Variants in TMEM132D observed in about 807,000 individuals in gnomAD.
The protein encoded by TMEM132D is mature OL transmembrane protein.
TMEM132D carries 21 observed loss-of-function variants against 62.3 expected under a neutral mutation model. The observed-to-expected ratio is 0.34, with a 90% confidence interval of 0.24 to 0.49. The LOEUF (loss-of-function observed/expected upper bound fraction) is 0.49. TMEM132D is among the 20% of genes least tolerant of loss of function. The probability of loss-of-function intolerance (pLI) is 0.99; values close to 1 mark genes in which losing one functional copy is unlikely to be tolerated. For synonymous variants in TMEM132D, 621 were observed against 575.6 expected, an observed-to-expected ratio of 1.08 and a Z score of -1.13; for missense variants, 1,346 against 1,402.8, an observed-to-expected ratio of 0.96 and a Z score of 0.65.
intron 4 of TMEM132D, among the ~76,000 whole-genome samples, chr12:129,310,268 G>A (rs1311467189): frequency 2.6e-5 from 4 of 152,282 alleles, no homozygotes; most frequent in Non-Finnish European, 4.4e-5. Flanking sequence ...CCAGGGAACC[G>A]GTCAGGGCCT....
In TMEM132D at chr12:129,880,278, C is replaced by A. The variant is rs146598171; in HGVS notation, c.79+22983G>T. ...TATACCCAGTAAAAACAGCTCTCAA[C>A]AATGAGGGTAAAATAAAAATATTTT... On this transcript the variant is annotated intron_variant, in intron 1 of 8. Coordinates refer to ENST00000422113, the MANE Select transcript of TMEM132D (RefSeq NM_133448.3). 7.9e-3 allele frequency among the ~76,000 whole-genome samples: 1,205 copies of A among 152,110 alleles called. 19 individuals are homozygous for A. The highest frequency in any genetic ancestry group is 0.027 in the African/African-American group (1,141 of 41,502).
chr12:129,454,837 G>A (rs902731626), intron 3 of TMEM132D, among the ~76,000 whole-genome samples: 1 of 152,090 alleles, frequency 6.6e-6, no homozygotes, highest in African/African-American at 2.4e-5. Context: ...AATCCAAGAT[G>A]GCAGGCAGTC....
Position 129,338,621 on chromosome 12 carries a change from G to A in TMEM132D, c.1116-804C>T, listed in dbSNP as rs938450231. Among the ~76,000 whole-genome samples, 5 of 152,184 alleles carry A rather than the reference G, an allele frequency of 3.3e-5. No individual in the cohort carries two copies. The South Asian group carries it at 6.2e-4, about 19-fold the overall frequency. ...TCTGCCTGAAAAGGAAGTGACCAGG[G>A]TGTAGCTGAGAATGAACAGAGGAAT... On this transcript the variant is annotated intron_variant, in intron 3 of 8. Coordinates refer to ENST00000422113, the MANE Select transcript of TMEM132D (RefSeq NM_133448.3).
intron 5 of TMEM132D, among the ~76,000 whole-genome samples, chr12:129,183,008 G>A (rs1015558402): frequency 1.1e-4 from 16 of 152,192 alleles, no homozygotes; most frequent in Admixed American, 7.2e-4. Context: ...CTCTCTCTTT[G>A]GGGCTAAATG....
At chr12:129,886,990 GT>G (rs1383930347) in intron 1 of TMEM132D, among the ~76,000 whole-genome samples, 1 of 152,166 alleles carries the variant, frequency 6.6e-6, no homozygotes, top group Non-Finnish European at 1.5e-5. Flanking sequence ...TGAACTGTGA[GT>G]CAATTAAACC....
intron 1 of TMEM132D, among the ~76,000 whole-genome samples, chr12:129,722,320 G>A (rs1026138034): frequency 2.3e-5 from 3 of 130,464 alleles, no homozygotes; most frequent in Admixed American, 1.6e-4. Context: ...GGTACAAGTC[G>A]AAATGCCGAC....
At chr12:129,317,977 C>A (rs778097302) in intron 4 of TMEM132D, among the ~76,000 whole-genome samples, 153 of 152,220 alleles carry the variant, frequency 1.0e-3, no homozygotes, top group Non-Finnish European at 1.3e-3. Flanking sequence ...AAAATATGTC[C>A]AAATTTCCTG....
intron 3 of TMEM132D, among the ~76,000 whole-genome samples, chr12:129,481,116 C>T (rs1193081162): frequency 1.3e-5 from 2 of 151,854 alleles, no homozygotes; most frequent in Non-Finnish European, 2.9e-5. Flanking sequence ...CCTCTCAAGT[C>T]CAGAATTCTA....
At position 129,779,273 on chromosome 12, in the gene TMEM132D, A is replaced by T. The variant is rs75105958; in HGVS notation, c.80-78575T>A. On this transcript the variant is annotated intron_variant, in intron 1 of 8. Coordinates refer to ENST00000422113, the MANE Select transcript of TMEM132D (RefSeq NM_133448.3). This position sits in a 1 kb window ranked among gnomAD's most constrained non-coding sequence, Gnocchi z 4.1. ...TACCAGGAAATGAAGCTTTTATTCC[A>T]GCTGGCCATGTGCTCAGTGATTTTT... is the stretch of plus-strand genomic sequence containing the variant. Among the ~76,000 whole-genome samples, 176 of 152,318 alleles carry T rather than the reference A, an allele frequency of 1.2e-3. 1 individual carries two copies. In the East Asian group the frequency reaches 0.033, roughly 29 times the overall value.
intron 8 of TMEM132D, among the ~76,000 whole-genome samples, chr12:129,077,489 A>G (rs148748385): frequency 3.3e-5 from 5 of 152,098 alleles, no homozygotes; most frequent in African/African-American, 1.2e-4. Context: ...ACTACATTCA[A>G]AGGTCCCCTA....
chr12:129,107,781 G>T (rs1369364489), intron 5 of TMEM132D, among the ~76,000 whole-genome samples: 3 of 152,050 alleles, frequency 2.0e-5, no homozygotes, highest in Non-Finnish European at 4.4e-5. Context: ...TGACCTCCTG[G>T]GCTCAAGCAA....
At chr12:129,085,615 A>T (rs993364868) in intron 5 of TMEM132D, 1 of 152,164 alleles carries the variant, frequency 6.6e-6, no homozygotes, top group Non-Finnish European at 1.5e-5. Flanking sequence ...GATTCCTTTC[A>T]TCCTCAGAAC....
chr12:129,694,731 G>A lies in TMEM132D; in HGVS notation c.968+5079C>T, dbSNP rs144298406. Among the ~76,000 whole-genome samples, 36 of 152,290 alleles carry A rather than the reference G, an allele frequency of 2.4e-4. No homozygotes were observed. The South Asian group carries it at 4.1e-3, about 18-fold the overall frequency. On this transcript the variant is annotated intron_variant, in intron 2 of 8. Coordinates refer to ENST00000422113, the MANE Select transcript of TMEM132D (RefSeq NM_133448.3). Reference sequence around the variant, plus strand: ...TTGGTCTATAAATGTGTTCTGGGCCGGGCACAGTGGCTCACGCCTGTAATC... The same window carrying A: ...TTGGTCTATAAATGTGTTCTGGGCCAGGCACAGTGGCTCACGCCTGTAATC...
intron 1 of TMEM132D, among the ~76,000 whole-genome samples, chr12:129,859,836 C>T (rs541667292): frequency 6.6e-6 from 1 of 152,134 alleles, no homozygotes; most frequent in East Asian, 1.9e-4. Flanking sequence ...CTGTCGGCCT[C>T]CCTGCTTTTA....
At chr12:129,316,885 T>C (rs1868505568) in intron 4 of TMEM132D, among the ~76,000 whole-genome samples, 1 of 152,210 alleles carries the variant, frequency 6.6e-6, no homozygotes, top group South Asian at 2.1e-4. Flanking sequence ...ACAAGGCCTT[T>C]TACCATTATA....
intron 4 of TMEM132D, among the ~76,000 whole-genome samples, chr12:129,275,663 G>T (rs1014550118): frequency 2.0e-5 from 3 of 152,318 alleles, no homozygotes; most frequent in Middle Eastern, 3.4e-3. Flanking sequence ...TGCATTCCAT[G>T]TTTGTTCAGC....
chr12:129,686,023 T>C (rs138495386), intron 2 of TMEM132D, among the ~76,000 whole-genome samples: 2 of 152,320 alleles, frequency 1.3e-5, no homozygotes, highest in Non-Finnish European at 2.9e-5. Flanking sequence ...TAACTTGCTT[T>C]CGATTTTACA....
intron 2 of TMEM132D, among the ~76,000 whole-genome samples, chr12:129,585,344 T>G (rs1039667887): frequency 1.3e-5 from 2 of 152,198 alleles, no homozygotes; most frequent in African/African-American, 4.8e-5. Flanking sequence ...AGAAAGAAGG[T>G]GGCCACACAC....
intron 3 of TMEM132D, among the ~76,000 whole-genome samples, chr12:129,492,765 G>A (rs780361194): frequency 1.3e-5 from 2 of 152,064 alleles, no homozygotes; most frequent in African/African-American, 2.4e-5. Context: ...AGAGTCACGC[G>A]AGACTGCTTT....
Sources: gnomAD v4.1 joint callset for allele counts (sites outside exome capture counted in the v4.1 genomes callset) on GRCh38, gnomAD v4.1.1 for gene constraint, Gnocchi (gnomAD v3.1) non-coding constraint, MANE v1.5 for transcripts, NCBI Gene and HGNC (gene_info 2026-07-23, HGNC 2026-07-21) for gene names.